PHACTR1: variants seen among roughly 807,000 people sequenced by gnomAD.
PHACTR1 encodes the protein phosphatase and actin regulator 1.
Under a neutral mutation model 69.2 loss-of-function variants are expected in PHACTR1, and 16 were observed. The observed-to-expected ratio is 0.23, with a 90% CI of 0.16 to 0.35. The LOEUF is 0.35. PHACTR1 is among the 10% of genes least tolerant of loss of function. The pLI is 1.00. For missense variants in PHACTR1, 510 were observed against 734.7 expected (o/e 0.69, Z 3.54); for synonymous variants, 312 against 284.5 (o/e 1.10, Z -0.97).
At chr6:13,276,519 C>G (rs1320817125) in intron 11 of PHACTR1, among the ~76,000 whole-genome samples, 1 of 152,230 alleles carries the variant, frequency 6.6e-6, no homozygotes, top group African/African-American at 2.4e-5. Flanking sequence ...CGCCTATAAT[C>G]CCAGCACTCT....
chr6:12,918,548 C>T (rs138079256), intron 4 of PHACTR1, among the ~76,000 whole-genome samples: 32 of 152,258 alleles, frequency 2.1e-4, no homozygotes, highest in Admixed American at 3.3e-4. Flanking sequence ...GAGATGCCAT[C>T]GTTATCATTG....
At chr6:12,788,487 A>G (rs977233336) in intron 4 of PHACTR1, among the ~76,000 whole-genome samples, 3 of 152,222 alleles carry the variant, frequency 2.0e-5, no homozygotes, top group African/African-American at 7.2e-5. Flanking sequence ...CAGGACACTG[A>G]GAATATATTG....
chr6:13,160,550 A>G (rs1423849704), intron 6 of PHACTR1, among the ~76,000 whole-genome samples: 1 of 152,200 alleles, frequency 6.6e-6, no homozygotes, highest in Non-Finnish European at 1.5e-5. Context: ...TGGCCCCGGG[A>G]ATGATGCAGG....
intron 3 of PHACTR1, among the ~76,000 whole-genome samples, chr6:12,741,602 T>C (rs1385834516): frequency 6.6e-6 from 1 of 152,122 alleles, no homozygotes; most frequent in East Asian, 1.9e-4. Flanking sequence ...TCTGTATGCT[T>C]TTCTGTTGAT....
rs774142570 is a variant in PHACTR1, at chr6:13,184,858, G to A, written c.664+2172G>A. 6.6e-6 allele frequency: 9 copies of A among 1,366,572 alleles called. No individual in the cohort carries two copies. In the Admixed American group the frequency reaches 9.5e-5, roughly 14 times the overall value. 84.7% of individuals were successfully genotyped at this position (1,366,572 alleles called of 1,614,324 possible). On this transcript the variant is annotated intron_variant, in intron 7 of 14. Coordinates refer to ENST00000332995, the MANE Select transcript of PHACTR1 (RefSeq NM_030948.6). ...AGTCCTCCTGTCCCAAGATCCTTCA[G>A]CCAAACCAGTCCTGCTACTGCCCCC...
chr6:13,133,640 C>T (rs1383535747), intron 5 of PHACTR1, among the ~76,000 whole-genome samples: 4 of 152,082 alleles, frequency 2.6e-5, no homozygotes, highest in Non-Finnish European at 5.9e-5. Flanking sequence ...GATCTCGGCT[C>T]GCTACAACTT....
intron 4 of PHACTR1, among the ~76,000 whole-genome samples, chr6:12,836,735 C>A (rs867052430): frequency 6.6e-6 from 1 of 152,100 alleles, no homozygotes; most frequent in African/African-American, 2.4e-5. Flanking sequence ...TCATGTAGAC[C>A]CAGCTACAAA....
chr6:13,247,090 G>A lies in PHACTR1; in HGVS notation c.1391+16897G>A, dbSNP rs915899517. 3.3e-5 allele frequency among the ~76,000 whole-genome samples: 5 copies of A among 152,200 alleles called. No homozygotes were observed. In the South Asian group the frequency reaches 8.3e-4, roughly 25 times the overall value. The stretch of plus-strand genomic sequence containing the variant: ...AATACACTTCTATTTTAGGAAGTGT[G>A]TTCATGAAAATTTGATCTTCTGTGC... On this transcript the variant is annotated intron_variant, in intron 10 of 14. Transcript: ENST00000332995.
At chr6:13,152,985 C>T (rs1162259792) in intron 5 of PHACTR1, among the ~76,000 whole-genome samples, 1 of 152,004 alleles carries the variant, frequency 6.6e-6, no homozygotes, top group Non-Finnish European at 1.5e-5. Flanking sequence ...TAGTACCGGC[C>T]CTGGAGTGCT....
intron 5 of PHACTR1, among the ~76,000 whole-genome samples, chr6:13,085,534 G>A (rs181112232): frequency 4.6e-5 from 7 of 152,132 alleles, no homozygotes; most frequent in Non-Finnish European, 8.8e-5. Flanking sequence ...ACTTCCTAAT[G>A]GAAGATGCAA....
chr6:13,019,070 A>ATTTT lies in PHACTR1; in HGVS notation c.251-34294_251-34293insTTTT, dbSNP rs10635069. On this transcript the variant is annotated intron_variant, in intron 4 of 14. Coordinates refer to ENST00000332995, the MANE Select transcript of PHACTR1 (RefSeq NM_030948.6). ...ACAGTTGAAATATATATATATATATATATATTTTTTCTTTTTCTTTTTGTA... is the reference window on the plus strand; with the variant it reads ...ACAGTTGAAATATATATATATATATATTTTTATATTTTTTCTTTTTCTTTTTGTA... 4.2e-5 allele frequency among the ~76,000 whole-genome samples: 6 copies of ATTTT among 142,686 alleles called. No homozygotes were observed. The East Asian group carries it at 6.2e-4, about 15-fold the overall frequency. The allele number at this position is 142,686 out of a possible 152,430, so 93.6% of individuals were successfully genotyped here.
chr6:12,770,369 T>C (rs564968935), intron 4 of PHACTR1, among the ~76,000 whole-genome samples: 5 of 152,182 alleles, frequency 3.3e-5, no homozygotes, highest in Admixed American at 3.3e-4. Flanking sequence ...GATGGTGACA[T>C]AGTTGAGATA....
chr6:13,191,574 C>T (rs749033884), intron 7 of PHACTR1, among the ~76,000 whole-genome samples: 15 of 152,174 alleles, frequency 9.9e-5, no homozygotes, highest in Non-Finnish European at 1.8e-4. Flanking sequence ...CTATAGTTGC[C>T]TGGTACCTGG....
At chr6:12,910,267 C>T (rs1786238213) in intron 4 of PHACTR1, among the ~76,000 whole-genome samples, 1 of 152,128 alleles carries the variant, frequency 6.6e-6, no homozygotes, top group Non-Finnish European at 1.5e-5. Flanking sequence ...CAGCAATGTG[C>T]CATAACCACT....
intron 4 of PHACTR1, among the ~76,000 whole-genome samples, chr6:12,950,756 T>C (rs1230084618): frequency 6.6e-6 from 1 of 152,180 alleles, no homozygotes; most frequent in Non-Finnish European, 1.5e-5. Context: ...AACATCACCT[T>C]AGAACTTCCC....
At chr6:12,909,465 G>C (rs766624230) in intron 4 of PHACTR1, among the ~76,000 whole-genome samples, 9 of 152,272 alleles carry the variant, frequency 5.9e-5, no homozygotes, top group Middle Eastern at 3.4e-3. Flanking sequence ...GGAGTAATTG[G>C]TTTTAAATTT....
intron 6 of PHACTR1, among the ~76,000 whole-genome samples, chr6:13,177,520 C>T (rs569661919): frequency 1.5e-3 from 224 of 151,824 alleles, no homozygotes; most frequent in Non-Finnish European, 2.3e-3. Flanking sequence ...ACATAGGTAC[C>T]CATGAGAGCC....
rs1261101945 is a variant in PHACTR1 at position 12,980,363 on chromosome 6, A to C, written c.251-73002A>C. ...GCCTTAAAGTGACCAGGATGAGAGA[A>C]GGATTCATTATCTCCCCGCGTCACC... On this transcript the variant is annotated intron_variant, in intron 4 of 14. Transcript: ENST00000332995. 2.6e-5 allele frequency among the ~76,000 whole-genome samples: 4 copies of C among 152,234 alleles called. No homozygotes were observed. In the East Asian group the frequency reaches 5.8e-4, roughly 22 times the overall value.
chr6:12,831,759 T>A (rs533726490), intron 4 of PHACTR1, among the ~76,000 whole-genome samples: 1 of 152,256 alleles, frequency 6.6e-6, no homozygotes, highest in South Asian at 2.1e-4. Flanking sequence ...TTTGGAGATA[T>A]AAGGGAAGAG....
Sources: allele counts gnomAD v4.1 joint callset (sites outside exome capture counted in the v4.1 genomes callset), GRCh38; gene constraint gnomAD v4.1.1; transcripts MANE v1.5; gene names NCBI Gene and HGNC (gene_info 2026-07-23, HGNC 2026-07-21).